Variants in ATG7 observed in about 807,000 individuals in gnomAD.
The protein encoded by ATG7 is ubiquitin-like modifier-activating enzyme ATG7.
In ATG7, 70 loss-of-function variants were observed where a neutral mutation model predicts 82.4. The observed-to-expected ratio is 0.85, with a 90% CI of 0.70 to 1.04. The LOEUF (loss-of-function observed/expected upper bound fraction) is 1.04. Among genes scored for constraint, ATG7 ranks in the 50% least tolerant of loss-of-function variants. The probability of loss-of-function intolerance (pLI) is 0.00; values close to 1 mark genes in which losing one functional copy is unlikely to be tolerated. For missense variants in ATG7, 792 were observed against 864.3 expected, an observed-to-expected ratio of 0.92 and a Z score of 1.05; for synonymous variants, 287 against 313.0, an observed-to-expected ratio of 0.92 and a Z score of 0.88.
intron 20 of ATG7, among the ~76,000 whole-genome samples, chr3:11,442,196 T>G (rs1246149105): frequency 6.6e-6 from 1 of 152,168 alleles, no homozygotes; most frequent in Non-Finnish European, 1.5e-5. Context: ...CCAAGCTCTC[T>G]TCAGCCCTTA....
In ATG7 at chr3:11,397,625, T is replaced by A. The variant is rs548699528; in HGVS notation, c.1956+17573T>A. 3.3e-5 allele frequency among the ~76,000 whole-genome samples: 5 copies of A among 151,666 alleles called. No homozygotes were observed. In the South Asian group the frequency reaches 1.0e-3, roughly 32 times the overall value. On this transcript the variant is annotated intron_variant, in intron 19 of 20. Coordinates refer to ENST00000693202, the MANE Select transcript of ATG7 (RefSeq NM_001349232.2). ...GCACATGCCATCTTGCCTGGCTAAT[T>A]TTTGTATTTTTAGTAGAGATGGGGT...
intron 20 of ATG7, among the ~76,000 whole-genome samples, chr3:11,454,259 C>T (rs962163187): frequency 1.3e-5 from 2 of 152,084 alleles, no homozygotes; most frequent in South Asian, 2.1e-4. Context: ...GGAGTTGACT[C>T]CGCCCTTGGC....
intron 20 of ATG7, among the ~76,000 whole-genome samples, 187 bp from the exon 21 acceptor site, chr3:11,554,624 C>T (rs1411643426): frequency 6.6e-6 from 1 of 152,160 alleles, no homozygotes; most frequent in Non-Finnish European, 1.5e-5. Flanking sequence ...GTGGTTCACA[C>T]ACTAGTGACG....
At chr3:11,502,908 T>A (rs2091445924) in intron 20 of ATG7, among the ~76,000 whole-genome samples, 1 of 152,208 alleles carries the variant, frequency 6.6e-6, no homozygotes, top group Non-Finnish European at 1.5e-5. Flanking sequence ...TTTTGGAAAC[T>A]GAAAGTTTGC....
intron 9 of ATG7, among the ~76,000 whole-genome samples, chr3:11,318,634 C>T (rs1264909236): frequency 6.6e-6 from 1 of 152,160 alleles, no homozygotes; most frequent in East Asian, 1.9e-4. Context: ...TTCTAAGGTT[C>T]CTGTTGACTT....
chr3:11,400,952 G>C (rs927448133), intron 19 of ATG7, among the ~76,000 whole-genome samples: 1 of 152,120 alleles, frequency 6.6e-6, no homozygotes, highest in South Asian at 2.1e-4. Flanking sequence ...GTGATATCAC[G>C]CAAAGCAATT....
intron 20 of ATG7, among the ~76,000 whole-genome samples, chr3:11,493,331 C>T (rs1368457957): frequency 1.3e-5 from 2 of 152,204 alleles, no homozygotes; most frequent in Non-Finnish European, 2.9e-5. Flanking sequence ...GCTGCTTCTC[C>T]TCTCTGCCAG....
chr3:11,393,804 G>A (rs777235694), intron 19 of ATG7, among the ~76,000 whole-genome samples: 3 of 151,884 alleles, frequency 2.0e-5, no homozygotes, highest in Non-Finnish European at 4.4e-5. Context: ...CCTCACCCTC[G>A]CAAGTAGCTG....
intron 3 of ATG7, among the ~76,000 whole-genome samples, chr3:11,296,035 C>A (rs1326434657): frequency 6.6e-6 from 1 of 152,222 alleles, no homozygotes; most frequent in Non-Finnish European, 1.5e-5. Flanking sequence ...GCCTTGGCCT[C>A]CCAAAGTGCT....
chr3:11,492,934 C>T (rs533748180), intron 20 of ATG7, among the ~76,000 whole-genome samples: 8 of 152,368 alleles, frequency 5.3e-5, no homozygotes, highest in Admixed American at 2.0e-4. Context: ...TCTCTTAGCT[C>T]CGCCGTCCAT....
At chr3:11,415,657 C>T (rs1559573305) in intron 19 of ATG7, among the ~76,000 whole-genome samples, 1 of 152,082 alleles carries the variant, frequency 6.6e-6, no homozygotes, top group Non-Finnish European at 1.5e-5. Flanking sequence ...CACTGCCTTC[C>T]ACCTCTACAT....
rs4684788 is a variant in ATG7, at chr3:11,550,481, G to A, written c.2080-4330G>A. Reference sequence around the variant, plus strand: ...CAGTGGTGCAGTCACAGCTCACTGCGGCCTCTACCTCCCAAGCTCACACCA... The same window carrying A: ...CAGTGGTGCAGTCACAGCTCACTGCAGCCTCTACCTCCCAAGCTCACACCA... On this transcript the variant is annotated intron_variant, in intron 20 of 20. Coordinates refer to ENST00000693202, the MANE Select transcript of ATG7 (RefSeq NM_001349232.2). 1.9e-3 allele frequency among the ~76,000 whole-genome samples: 284 copies of A among 151,908 alleles called. 4 individuals carry two copies. Among genetic ancestry groups the A allele is most frequent in the East Asian group, 0.013 (66 of 5,162 alleles).
intron 14 of ATG7, 91 bp downstream of exon 14, chr3:11,348,126 C>T: frequency 1.4e-6 from 2 of 1,470,214 alleles, no homozygotes; most frequent in South Asian, 2.8e-5. Context: ...GAAAGAGAGT[C>T]AGATATCTGT....
At chr3:11,424,860 A>G (rs1386786685) in intron 19 of ATG7, among the ~76,000 whole-genome samples, 1 of 152,192 alleles carries the variant, frequency 6.6e-6, no homozygotes, top group Admixed American at 6.5e-5. Flanking sequence ...TTGAACACAA[A>G]TACTATCTAT....
the ATG7 span, among the ~76,000 whole-genome samples, chr3:11,564,315 G>A: frequency 3.3e-5 from 5 of 152,122 alleles, no homozygotes; most frequent in Non-Finnish European, 7.4e-5. Flanking sequence ...TCACAACCCT[G>A]TGACCATCAA....
intron 9 of ATG7, among the ~76,000 whole-genome samples, chr3:11,320,873 T>G (rs1031689856): frequency 2.6e-5 from 4 of 152,248 alleles, no homozygotes; most frequent in Non-Finnish European, 4.4e-5. Context: ...GTAAGTGTTC[T>G]CTTTAATGTG....
downstream of ATG7, chr3:11,557,959 AAC>A (rs147906293): frequency 0.013 from 1,996 of 154,114 alleles, 50 homozygotes; most frequent in African/African-American, 0.045. Flanking sequence ...AACAACAACA[AAC>A]ACACAAATGG....
At chr3:11,424,815 TTTC>T (rs555872230) in intron 19 of ATG7, among the ~76,000 whole-genome samples, 4 of 152,302 alleles carry the variant, frequency 2.6e-5, no homozygotes, top group Middle Eastern at 3.4e-3. Flanking sequence ...CATCCATGCA[TTTC>T]TTCTTCTTCC....
intron 11 of ATG7, among the ~76,000 whole-genome samples, chr3:11,336,036 A>ATT (rs541306159): frequency 1.3e-4 from 14 of 111,690 alleles, no homozygotes; most frequent in East Asian, 7.4e-4. Flanking sequence ...GTGCCCGGTC[A>ATT]TTTTTTTTTT....
Sources: allele counts gnomAD v4.1 joint callset (sites outside exome capture counted in the v4.1 genomes callset), GRCh38; gene constraint gnomAD v4.1.1; transcripts MANE v1.5; gene names NCBI Gene and HGNC (gene_info 2026-07-23, HGNC 2026-07-21).